SLC9B1: variants seen among roughly 807,000 people sequenced by gnomAD.
The protein encoded by SLC9B1 is sodium/hydrogen exchanger 9B1.
Under a neutral mutation model 51.7 loss-of-function variants are expected in SLC9B1, and 32 were observed. The observed-to-expected ratio is 0.62, with a 90% CI of 0.47 to 0.83. The LOEUF (loss-of-function observed/expected upper bound fraction) is 0.83, where lower values mean the gene tolerates loss of function less well. SLC9B1 is among the 40% of genes least tolerant of loss of function. The pLI is 0.00. For synonymous variants in SLC9B1, 145 were observed against 212.7 expected (o/e 0.68, Z 2.77); for missense variants, 406 against 613.2 (o/e 0.66, Z 3.57).
At chr4:102,932,380 C>T (rs1201738017) in intron 6 of SLC9B1, 81 bp from the exon 7 acceptor site, 2 of 1,205,370 alleles carry the variant, frequency 1.7e-6, no homozygotes, top group Non-Finnish European at 2.3e-6. Flanking sequence ...TTTATAATAA[C>T]TTTATAACAA....
chr4:103,019,537 G>T (rs189327253), intron 1 of SLC9B1, 62 bp downstream of exon 1: 34 of 975,610 alleles, frequency 3.5e-5, no homozygotes, highest in Non-Finnish European at 3.9e-5. Flanking sequence ...AAACGATCGC[G>T]GCAGACCCGG....
intron 7 of SLC9B1, among the ~76,000 whole-genome samples, chr4:102,923,508 A>G (rs901294098): frequency 9.2e-5 from 14 of 152,192 alleles, no homozygotes; most frequent in African/African-American, 3.1e-4. Context: ...GGCACAATAC[A>G]AGGATGCTCT....
chr4:103,004,032 T>A (rs13144033), intron 1 of SLC9B1, among the ~76,000 whole-genome samples: 83,088 of 152,032 alleles, frequency 0.55, 23,276 homozygotes, highest in African/African-American at 0.68. Context: ...CAACTCAAGA[T>A]GCCCGAGTAT....
intron 6 of SLC9B1, among the ~76,000 whole-genome samples, chr4:102,934,848 T>G (rs1736640394): frequency 6.6e-6 from 1 of 151,798 alleles, no homozygotes; most frequent in Non-Finnish European, 1.5e-5. Context: ...TACAAAGGCA[T>G]TAGACATAAA....
chr4:102,935,136 T>C (rs1022903339), intron 6 of SLC9B1, among the ~76,000 whole-genome samples: 15 of 152,046 alleles, frequency 9.9e-5, no homozygotes, highest in African/African-American at 3.6e-4. Context: ...ATAACAGATA[T>C]AATTAATAAA....
At chr4:103,009,080 G>A (rs1740960115) in intron 1 of SLC9B1, among the ~76,000 whole-genome samples, 1 of 152,210 alleles carries the variant, frequency 6.6e-6, no homozygotes, top group Admixed American at 6.5e-5. Context: ...TTACAGGTGT[G>A]AGCCACTGCG....
chr4:102,974,242 G>A (rs7681887), intron 3 of SLC9B1, among the ~76,000 whole-genome samples: 3,724 of 52,964 alleles, frequency 0.07, 214 homozygotes, highest in Middle Eastern at 0.24. Context: ...GTCTAAAATT[G>A]AAAAAAAAAA....
intron 3 of SLC9B1, among the ~76,000 whole-genome samples, chr4:102,955,302 CGACATGATTCTGAG>C (rs1737728868): frequency 6.6e-6 from 1 of 152,160 alleles, no homozygotes; most frequent in Non-Finnish European, 1.5e-5. Flanking sequence ...TTTCACCTCC[CGACATGATTCTGAG>C]GCCTCCCCAG....
intron 3 of SLC9B1, among the ~76,000 whole-genome samples, chr4:102,961,355 T>G (rs552555844): frequency 1.2e-3 from 177 of 152,412 alleles, no homozygotes; most frequent in Non-Finnish European, 2.1e-3. Context: ...GATTACTTTT[T>G]CCACCAAGCA....
intron 3 of SLC9B1, among the ~76,000 whole-genome samples, chr4:102,958,465 G>A (rs1340951187): frequency 6.6e-6 from 1 of 152,096 alleles, no homozygotes; most frequent in Non-Finnish European, 1.5e-5. Context: ...ATGCAAGAAT[G>A]GACTAATACA....
intron 3 of SLC9B1, chr4:102,962,295 T>C (rs1738178747): frequency 3.7e-6 from 2 of 539,794 alleles, no homozygotes; most frequent in African/African-American, 1.9e-5. Context: ...GATAAATCTA[T>C]GTATGCTACA....
At chr4:102,910,990 GT>G (rs1735311797) in intron 8 of SLC9B1, among the ~76,000 whole-genome samples, 2 of 152,182 alleles carry the variant, frequency 1.3e-5, no homozygotes, top group Non-Finnish European at 2.9e-5. Flanking sequence ...GTAATGGCAT[GT>G]TTTCCTTTAA....
chr4:102,899,253 GAATA>G (rs1424502303), downstream of SLC9B1, among the ~76,000 whole-genome samples: 81 of 150,890 alleles, frequency 5.4e-4, 1 homozygote, highest in Admixed American at 3.0e-3. Context: ...AATAAATAAA[GAATA>G]AAAAGAATAG....
rs150327866 is a variant in SLC9B1 at position 102,998,756 on chromosome 4, T to C, written c.-1-7044A>G. Among the ~76,000 whole-genome samples the C allele has an allele frequency of 5.4e-3, 825 of 152,370 alleles. 6 individuals are homozygous for C. Among genetic ancestry groups the C allele is most frequent in the African/African-American group, 0.018 (769 of 41,600 alleles). On this transcript the variant is annotated intron_variant, in intron 1 of 11. Coordinates refer to ENST00000296422, the MANE Select transcript of SLC9B1 (RefSeq NM_139173.4). Reference sequence around the variant, plus strand: ...GTGTGAATGGTATCTACTGTAGTTTTCATTTCCACTTCCCTAATGATTAAT... The same window carrying C: ...GTGTGAATGGTATCTACTGTAGTTTCCATTTCCACTTCCCTAATGATTAAT...
At chr4:103,007,944 C>A (rs921098774) in intron 1 of SLC9B1, among the ~76,000 whole-genome samples, 2 of 152,068 alleles carry the variant, frequency 1.3e-5, no homozygotes, top group African/African-American at 4.8e-5. Flanking sequence ...GACAGACACC[C>A]AAATATGAGT....
At chr4:102,923,600 T>C (rs557253945) in intron 7 of SLC9B1, among the ~76,000 whole-genome samples, 135 of 152,060 alleles carry the variant, frequency 8.9e-4, no homozygotes, top group Non-Finnish European at 1.7e-3. Flanking sequence ...GGGTATTCAA[T>C]TAGGAAAAGA....
chr4:102,933,799 A>G (rs567214263), intron 6 of SLC9B1, among the ~76,000 whole-genome samples: 8 of 152,368 alleles, frequency 5.3e-5, no homozygotes, highest in Admixed American at 5.2e-4. Flanking sequence ...AAAACTGTGA[A>G]GATAGTCTAT....
intron 11 of SLC9B1, among the ~76,000 whole-genome samples, chr4:102,886,490 CAAAAAAAAG>C (rs1057455414): frequency 6.9e-6 from 1 of 143,978 alleles, no homozygotes; most frequent in Non-Finnish European, 1.5e-5. Flanking sequence ...GACTGTCTCA[CAAAAAAAAG>C]AAAAAAAAGA....
rs11732619 is a variant in SLC9B1 at position 102,895,499 on chromosome 4, T to C, written c.1332+10015A>G. ...ATTGGGGACATTGCCTTGTGGGTTA[T>C]AATAAAGCATTAAGAAACAGAGTAG... On this transcript the variant is annotated intron_variant, in intron 11 of 11. Transcript: ENST00000394789. 1.1e-3 allele frequency among the ~76,000 whole-genome samples: 174 copies of C among 152,240 alleles called. 1 individual carries two copies. Among genetic ancestry groups the C allele is most frequent in the South Asian group, 5.2e-3 (25 of 4,822 alleles).
Sources: gnomAD v4.1 joint callset for allele counts (sites outside exome capture counted in the v4.1 genomes callset) on GRCh38, gnomAD v4.1.1 for gene constraint, MANE v1.5 for transcripts, NCBI Gene and HGNC (gene_info 2026-07-23, HGNC 2026-07-21) for gene names.